The following SLCO6A1 variants were observed in gnomAD, a reference collection of about 807,000 sequenced individuals.
SLCO6A1 encodes the protein solute carrier organic anion transporter family member 6A1, also known as cancer/testis antigen 48.
Under a neutral mutation model 72.7 loss-of-function variants are expected in SLCO6A1, and 65 were observed. The ratio of observed to expected loss-of-function variants is 0.89; its 90% CI spans 0.73 to 1.10. The LOEUF is 1.10. SLCO6A1 is among the 50% of genes least tolerant of loss of function. The probability of loss-of-function intolerance (pLI) is 0.00; values close to 1 mark genes in which losing one functional copy is unlikely to be tolerated. For synonymous variants in SLCO6A1, 314 were observed against 298.2 expected, an observed-to-expected ratio of 1.05 and a Z score of -0.55; for missense variants, 874 against 872.6, an observed-to-expected ratio of 1.00 and a Z score of -0.02.
chr5:102,458,604 T>G (rs1427295711), intron 5 of SLCO6A1, 113 bp from the exon 6 acceptor site: 4 of 663,050 alleles, frequency 6.0e-6, no homozygotes, highest in Non-Finnish European at 1.0e-5. Context: ...GGCAAATGAG[T>G]TATTTTTGAA....
intron 10 of SLCO6A1, 53 bp downstream of exon 10, chr5:102,399,502 A>G: frequency 8.8e-7 from 1 of 1,141,952 alleles, no homozygotes; most frequent in East Asian, 3.1e-5. Context: ...TCTTTCCAAA[A>G]TTACTTTTCT....
chr5:102,498,587 C>T lies in SLCO6A1; in HGVS notation c.258G>A (p.Glu86=), dbSNP rs1753017624. ...CTAAGCAGCCCAAACCACAGGGCTG[C>T]TCCAAACTGTCATCCACTTCTCCCG... is the stretch of plus-strand genomic sequence containing the variant. ...KKPGEVDDSL[E]QPCGLGCLVS... The change falls in exon 1 of 14, where the codon GAG becomes GAA. Residue 86 remains glutamate (E), a synonymous_variant. Coordinates refer to ENST00000506729, the MANE Select transcript of SLCO6A1 (RefSeq NM_173488.5). The T allele has an allele frequency of 1.9e-6, 3 of 1,614,260 alleles. No homozygotes were observed. Among genetic ancestry groups the T allele is most frequent in the Non-Finnish European group, 2.5e-6 (3 of 1,180,042 alleles).
In SLCO6A1 at chr5:102,411,659, A is replaced by C. The variant is rs189132829; in HGVS notation, c.1626+1331T>G. Among the ~76,000 whole-genome samples the C allele has an allele frequency of 1.9e-3, 287 of 151,360 alleles. 1 individual carries two copies. The highest frequency in any genetic ancestry group is 3.6e-3 in the Non-Finnish European group (241 of 67,514). Reference sequence around the variant, plus strand: ...AGGGATCTGGGGACTCATGCCCTTCAAACCATAAATTCTCATCAGATGGGT... The same window carrying C: ...AGGGATCTGGGGACTCATGCCCTTCCAACCATAAATTCTCATCAGATGGGT... On this transcript the variant is annotated intron_variant, in intron 9 of 13. Coordinates refer to ENST00000506729, the MANE Select transcript of SLCO6A1 (RefSeq NM_173488.5).
intron 9 of SLCO6A1, among the ~76,000 whole-genome samples, chr5:102,406,041 A>C (rs1747651309): frequency 6.6e-6 from 1 of 152,046 alleles, no homozygotes. Context: ...TCAAAGAGAT[A>C]AAACAAAATG....
rs775254274 is a variant in SLCO6A1 at position 102,480,384 on chromosome 5, A to T, written c.409T>A (p.Tyr137Asn). The change falls in exon 2 of 14, where the codon TAT becomes AAT. Residue 137 changes from tyrosine (Y) to asparagine (N), a missense_variant. Physicochemically the swap from Tyr to Asn is moderately radical, Grantham distance 143 (BLOSUM62 -2). Transcript: ENST00000506729. ...AACTTCTCAATGGTTTTCAGTTGAT[A>T]TTCCTTCTGAAAATCGCCAATGCTG... is the stretch of plus-strand genomic sequence containing the variant. ...DVSIGDFQKE[Y>N]QLKTIEKLAL... 5.6e-6 allele frequency: 9 copies of T among 1,613,356 alleles called. No homozygotes were observed. In the Admixed American group the frequency reaches 1.3e-4, roughly 24 times the overall value.
chr5:102,399,463 A>C (rs1326520077), intron 10 of SLCO6A1, 92 bp downstream of exon 10: 2 of 829,050 alleles, frequency 2.4e-6, no homozygotes, highest in Non-Finnish European at 3.3e-6. Flanking sequence ...TGAAACACAG[A>C]GTAAATTATT....
intron 8 of SLCO6A1, among the ~76,000 whole-genome samples, chr5:102,417,154 A>G (rs1561443605): frequency 6.6e-6 from 1 of 152,088 alleles, no homozygotes; most frequent in Non-Finnish European, 1.5e-5. Context: ...ATCTGGTGTT[A>G]TACTCCAGCT....
At chr5:102,422,309 G>A (rs975217302) in intron 7 of SLCO6A1, among the ~76,000 whole-genome samples, 2 of 152,132 alleles carry the variant, frequency 1.3e-5, no homozygotes, top group Non-Finnish European at 2.9e-5. Context: ...CAGAAGGTGG[G>A]TAATAACAAA....
At chr5:102,455,967 A>G (rs1028129875) in intron 6 of SLCO6A1, among the ~76,000 whole-genome samples, 5 of 152,220 alleles carry the variant, frequency 3.3e-5, no homozygotes, top group Admixed American at 1.3e-4. Flanking sequence ...AAATCAATAA[A>G]CATAATCCAG....
chr5:102,477,908 TAA>T, intron 2 of SLCO6A1, 47 bp from the exon 3 acceptor site: 1 of 1,504,844 alleles, frequency 6.6e-7, no homozygotes, highest in Non-Finnish European at 9.0e-7. Flanking sequence ...AACTCAAACA[TAA>T]AACAAATGTG....
intron 1 of SLCO6A1, among the ~76,000 whole-genome samples, chr5:102,480,635 T>G (rs1317324116): frequency 6.6e-6 from 1 of 152,044 alleles, no homozygotes; most frequent in South Asian, 2.1e-4. Context: ...TAATTGAATT[T>G]TTGAAGCTAT....
In SLCO6A1 at chr5:102,464,090, T is replaced by G. The variant is rs114989357; in HGVS notation, c.900-4313A>C. 2.0e-3 allele frequency among the ~76,000 whole-genome samples: 299 copies of G among 151,924 alleles called. 3 individuals carry two copies. Among genetic ancestry groups the G allele is most frequent in the African/African-American group, 7.0e-3 (289 of 41,414 alleles). On this transcript the variant is annotated intron_variant, in intron 4 of 13. Transcript: ENST00000506729. ...ATAAAAGACTACACATTGCGTACAG[T>G]GTACACTTCTCAGGTGGTGGGTGCA...
chr5:102,393,415 T>A (rs1490755086), intron 10 of SLCO6A1, among the ~76,000 whole-genome samples: 2 of 152,306 alleles, frequency 1.3e-5, no homozygotes, highest in African/African-American at 4.8e-5. Flanking sequence ...CTTACAAAGC[T>A]ACTTCTCCCT....
At chr5:102,476,737 T>A (rs1247148319) in intron 3 of SLCO6A1, among the ~76,000 whole-genome samples, 3 of 152,034 alleles carry the variant, frequency 2.0e-5, no homozygotes. Context: ...AAAAATATCT[T>A]ATTTTATTTA....
chr5:102,411,168 G>C (rs1283979825), intron 9 of SLCO6A1, among the ~76,000 whole-genome samples: 1 of 152,096 alleles, frequency 6.6e-6, no homozygotes, highest in African/African-American at 2.4e-5. Flanking sequence ...GCAAGAGGTA[G>C]ATAAGAGTTC....
At chr5:102,483,195 A>G (rs1752293301) in intron 1 of SLCO6A1, among the ~76,000 whole-genome samples, 1 of 152,182 alleles carries the variant, frequency 6.6e-6, no homozygotes, top group Non-Finnish European at 1.5e-5. Flanking sequence ...ATTCATTCAG[A>G]TAGGATAACT....
intron 6 of SLCO6A1, among the ~76,000 whole-genome samples, chr5:102,446,920 A>T (rs550528949): frequency 6.6e-6 from 1 of 152,004 alleles, no homozygotes; most frequent in South Asian, 2.1e-4. Flanking sequence ...ATGCCCTGCT[A>T]ATTTTTTGTA....
chr5:102,433,418 C>T (rs993825875), intron 7 of SLCO6A1, among the ~76,000 whole-genome samples: 37 of 152,108 alleles, frequency 2.4e-4, no homozygotes, highest in African/African-American at 8.9e-4. Flanking sequence ...CTTGAAGTTC[C>T]TGTCCTTTGG....
intron 6 of SLCO6A1, among the ~76,000 whole-genome samples, chr5:102,455,744 G>A (rs747037418): frequency 6.6e-6 from 1 of 152,172 alleles, no homozygotes; most frequent in Non-Finnish European, 1.5e-5. Flanking sequence ...AATACCTGGT[G>A]CCAATCTCTG....
Sources: allele counts gnomAD v4.1 joint callset (sites outside exome capture counted in the v4.1 genomes callset), GRCh38; gene constraint gnomAD v4.1.1; transcripts MANE v1.5; gene names NCBI Gene and HGNC (gene_info 2026-07-23, HGNC 2026-07-21).